RUBCNL: variants seen among roughly 807,000 people sequenced by gnomAD.
RUBCNL encodes protein associated with UVRAG as autophagy enhancer.
Under a neutral mutation model 69.5 loss-of-function variants are expected in RUBCNL, and 62 were observed. That is an observed-to-expected ratio of 0.89 (90% confidence interval 0.73 to 1.10). The LOEUF is 1.10. RUBCNL is among the 50% of genes least tolerant of loss of function. The probability of loss-of-function intolerance (pLI) is 0.00; values close to 1 mark genes in which losing one functional copy is unlikely to be tolerated. For synonymous variants in RUBCNL, 291 were observed against 303.6 expected (o/e 0.96, Z 0.43); for missense variants, 768 against 798.1 (o/e 0.96, Z 0.45).
At chr13:46,369,442 T>C (rs1446623905) in intron 3 of RUBCNL, among the ~76,000 whole-genome samples, 1 of 152,150 alleles carries the variant, frequency 6.6e-6, no homozygotes. Flanking sequence ...CTCAAATCAC[T>C]GGGCTCAAGC....
At chr13:46,388,239 A>C, upstream of RUBCNL, among the ~76,000 whole-genome samples, 1 of 137,396 alleles carries the variant, frequency 7.3e-6, no homozygotes, top group African/African-American at 2.7e-5. Context: ...AGAAGAAGGG[A>C]AGGAGGGAGG....
rs2048104873 is a variant in RUBCNL, at chr13:46,336,317, C to T, written c.*7068G>A. 6.6e-6 allele frequency among the ~76,000 whole-genome samples: 1 copy of T among 152,128 alleles called. No individual in the cohort carries two copies. On this transcript the variant is annotated 3_prime_UTR_variant, in exon 15 of 15. Transcript: ENST00000429979. Reference sequence around the variant, plus strand: ...GTCCCCAACAGCTAATCTGATTTCTCCACTGTGGGCATGGACAGTAGAAAT... The same window carrying T: ...GTCCCCAACAGCTAATCTGATTTCTTCACTGTGGGCATGGACAGTAGAAAT...
At chr13:46,367,721 G>T (rs2048788791) in intron 5 of RUBCNL, among the ~76,000 whole-genome samples, 1 of 152,084 alleles carries the variant, frequency 6.6e-6, no homozygotes, top group Admixed American at 6.5e-5. Context: ...TTCCAGAAAT[G>T]AACAATTCTT....
chr13:46,387,874 GA>G (rs1463000582), upstream of RUBCNL: 1 of 984,394 alleles, frequency 1.0e-6, no homozygotes, highest in Non-Finnish European at 1.2e-6. Flanking sequence ...GTGGTGCTAG[GA>G]GAACCTGCCA....
At chr13:46,389,114 G>A (rs1426745703), upstream of RUBCNL, among the ~76,000 whole-genome samples, 1 of 152,108 alleles carries the variant, frequency 6.6e-6, no homozygotes, top group Non-Finnish European at 1.5e-5. The surrounding 1 kb of genome is among the most constrained non-coding windows in gnomAD (Gnocchi z 4.2). Flanking sequence ...TTTGAGTATC[G>A]GCTATGTGCC....
At chr13:46,370,479 A>C (rs2048854287) in intron 3 of RUBCNL, among the ~76,000 whole-genome samples, 1 of 152,242 alleles carries the variant, frequency 6.6e-6, no homozygotes, top group Admixed American at 6.5e-5. Context: ...AGAGAAAGAA[A>C]GAACCAGATC....
chr13:46,364,677 C>T (rs1328971169), intron 5 of RUBCNL, among the ~76,000 whole-genome samples: 1 of 147,656 alleles, frequency 6.8e-6, no homozygotes. Context: ...CAGTGAGATG[C>T]ACTCTGCTAT....
At chr13:46,388,193 G>C (rs1476787509), upstream of RUBCNL, among the ~76,000 whole-genome samples, 2 of 72,304 alleles carry the variant, frequency 2.8e-5, no homozygotes, top group South Asian at 1.3e-3. Context: ...GACAGAGCAA[G>C]ACTGTCAAAA....
In RUBCNL at chr13:46,361,463, G is replaced by A. The variant is rs1566076043; in HGVS notation, c.1097C>T (p.Ser366Phe). 1.9e-6 allele frequency: 3 copies of A among 1,613,884 alleles called. No homozygotes were observed. The highest frequency in any genetic ancestry group is 2.5e-6 in the Non-Finnish European group (3 of 1,179,830). The change falls in exon 8 of 15, where the codon TCC (serine) becomes TTC (phenylalanine). Residue 366 changes from serine to phenylalanine, a missense_variant. Coordinates refer to ENST00000429979, the MANE Select transcript of RUBCNL (RefSeq NM_025113.5). ...LSVVNSQLAG[S>F]LSAAGSIVVN... ...TACTATCGAGCCAGCTGCACTCAGG[G>A]AACCTGCCAGCTGAGAATTAACTAC... is the stretch of plus-strand genomic sequence containing the variant.
chr13:46,370,919 A>G (rs1055655524), intron 3 of RUBCNL, among the ~76,000 whole-genome samples: 2 of 148,272 alleles, frequency 1.3e-5, no homozygotes, highest in African/African-American at 4.9e-5. Flanking sequence ...AAAAATAGGA[A>G]AAAAAAAAAA....
intron 1 of RUBCNL, among the ~76,000 whole-genome samples, chr13:46,380,389 G>C (rs1363598518): frequency 6.6e-6 from 1 of 152,198 alleles, no homozygotes; most frequent in South Asian, 2.1e-4. Flanking sequence ...AACTGAAATG[G>C]AGACCATTAG....
intron 2 of RUBCNL, among the ~76,000 whole-genome samples, 155 bp downstream of exon 2, chr13:46,377,735 T>C (rs1018179435): frequency 1.3e-5 from 2 of 152,244 alleles, no homozygotes; most frequent in African/African-American, 4.8e-5. Context: ...AAAAGTGTTG[T>C]TGCTTCACAA....
At chr13:46,366,789 G>T (rs180888011) in intron 5 of RUBCNL, among the ~76,000 whole-genome samples, 12 of 152,216 alleles carry the variant, frequency 7.9e-5, no homozygotes, top group Non-Finnish European at 1.2e-4. Flanking sequence ...TAAGTTATAG[G>T]TTAACTACAC....
At chr13:46,368,654 A>G in intron 4 of RUBCNL, 79 bp downstream of exon 4, 1 of 1,367,146 alleles carries the variant, frequency 7.3e-7, no homozygotes. Flanking sequence ...ATCAAATTGA[A>G]GTTTCCAGAT....
intron 2 of RUBCNL, among the ~76,000 whole-genome samples, chr13:46,376,440 A>G (rs1380061155): frequency 2.6e-5 from 4 of 152,136 alleles, no homozygotes. Flanking sequence ...CCAAATCACC[A>G]TTCACAAAAT....
intron 1 of RUBCNL, chr13:46,378,735 A>G (rs1239021362): frequency 6.6e-6 from 1 of 152,274 alleles, no homozygotes; most frequent in Admixed American, 6.5e-5. Context: ...TCAGATCATA[A>G]GCAGCCAGCA....
At chr13:46,355,693 T>C (rs925933002) in intron 10 of RUBCNL, among the ~76,000 whole-genome samples, 1 of 152,234 alleles carries the variant, frequency 6.6e-6, no homozygotes, top group African/African-American at 2.4e-5. Context: ...AGCTCCTTGT[T>C]AAGCCATTCC....
In RUBCNL at chr13:46,334,684, G is replaced by A. The variant is rs2048092227; in HGVS notation, c.*8701C>T. ...GGTAGGCAGGGGAGCTTGGAGGCCAGGGGGAAAAAAAACACTGAATTTTAT... is the reference window on the plus strand; with the variant it reads ...GGTAGGCAGGGGAGCTTGGAGGCCAAGGGGAAAAAAAACACTGAATTTTAT... On this transcript the variant is annotated 3_prime_UTR_variant, in exon 15 of 15. Transcript: ENST00000429979. 6.7e-6 allele frequency among the ~76,000 whole-genome samples: 1 copy of A among 149,622 alleles called. No homozygotes were observed.
In RUBCNL at chr13:46,377,997, T is replaced by A. The variant is rs529821121; in HGVS notation, c.-230A>T. ...GACAGGAGGTCAATATCCCCATTTTTTATTTTATCTGTAAGGCAAAAAACA... is the reference window on the plus strand; with the variant it reads ...GACAGGAGGTCAATATCCCCATTTTATATTTTATCTGTAAGGCAAAAAACA... On this transcript the variant is annotated 5_prime_UTR_variant, in exon 2 of 15. Coordinates refer to ENST00000429979, the MANE Select transcript of RUBCNL (RefSeq NM_025113.5). 52 of 1,548,400 alleles carry A rather than the reference T, an allele frequency of 3.4e-5. No individual in the cohort carries two copies. The African/African-American group carries it at 6.2e-4, about 18-fold the overall frequency.
Sources: gnomAD v4.1 joint callset for allele counts (sites outside exome capture counted in the v4.1 genomes callset) on GRCh38, gnomAD v4.1.1 for gene constraint, Gnocchi (gnomAD v3.1) non-coding constraint, MANE v1.5 for transcripts, NCBI Gene and HGNC (gene_info 2026-07-23, HGNC 2026-07-21) for gene names.